Variants in AOPEP observed in about 807,000 individuals in gnomAD.
The protein encoded by AOPEP is aminopeptidase O.
In AOPEP, 77 loss-of-function variants were observed where a neutral mutation model predicts 98.1. That is an observed-to-expected ratio of 0.78 (90% CI 0.65 to 0.95). The LOEUF is 0.95. AOPEP is among the 40% of genes least tolerant of loss of function. The pLI is 0.00. For synonymous variants in AOPEP, 346 were observed against 365.3 expected (o/e 0.95, Z 0.60); for missense variants, 1,024 against 1,024.7 (o/e 1.00, Z 0.01).
chr9:95,149,104 C>T, the AOPEP span, among the ~76,000 whole-genome samples: 8 of 151,984 alleles, frequency 5.3e-5, no homozygotes, highest in African/African-American at 1.9e-4. Flanking sequence ...AAGAGCATTG[C>T]TTTTCATAAA....
chr9:94,925,238 C>T (rs1454726986), intron 6 of AOPEP, among the ~76,000 whole-genome samples: 3 of 152,254 alleles, frequency 2.0e-5, no homozygotes, highest in Non-Finnish European at 4.4e-5. Flanking sequence ...ATCCGCCCAC[C>T]TTGGCCTCCC....
chr9:94,899,497 C>T (rs2050105942), intron 5 of AOPEP, among the ~76,000 whole-genome samples: 2 of 151,522 alleles, frequency 1.3e-5, no homozygotes, highest in Non-Finnish European at 2.9e-5. Flanking sequence ...CACTTTTATT[C>T]CCAGCACTTT....
At chr9:94,873,595 T>G (rs2046586244) in intron 5 of AOPEP, among the ~76,000 whole-genome samples, 1 of 152,200 alleles carries the variant, frequency 6.6e-6, no homozygotes, top group Non-Finnish European at 1.5e-5. Context: ...ATTTCTCCCT[T>G]CCTTTGTATC....
chr9:94,875,841 G>C (rs989583203), intron 5 of AOPEP, among the ~76,000 whole-genome samples: 1 of 152,164 alleles, frequency 6.6e-6, no homozygotes, highest in African/African-American at 2.4e-5. Flanking sequence ...TCTGAGTATG[G>C]AATTCACAGA....
chr9:94,794,919 A>C (rs1195965421), intron 4 of AOPEP, among the ~76,000 whole-genome samples: 1 of 152,182 alleles, frequency 6.6e-6, no homozygotes, highest in African/African-American at 2.4e-5. Context: ...AGCAAGAAGC[A>C]CACTGTTTTG....
At chr9:94,855,517 T>C in intron 5 of AOPEP, among the ~76,000 whole-genome samples, 1 of 152,048 alleles carries the variant, frequency 6.6e-6, no homozygotes, top group East Asian at 2.0e-4. Flanking sequence ...GGAGAAACCC[T>C]GTCTCTACTG....
the AOPEP span, among the ~76,000 whole-genome samples, chr9:95,115,297 C>T: frequency 6.6e-6 from 1 of 152,154 alleles, no homozygotes; most frequent in Admixed American, 6.5e-5. Context: ...ATAAGCAGCC[C>T]CCGCTGAGAC....
chr9:95,078,597 A>G (rs1162047195), intron 14 of AOPEP, among the ~76,000 whole-genome samples: 1 of 152,354 alleles, frequency 6.6e-6, no homozygotes, highest in African/African-American at 2.4e-5. Flanking sequence ...CTCTTTCCCT[A>G]AGTCTCAGAG....
chr9:95,024,560 C>T (rs2063697890), intron 13 of AOPEP, among the ~76,000 whole-genome samples: 1 of 152,216 alleles, frequency 6.6e-6, no homozygotes, highest in African/African-American at 2.4e-5. Context: ...TACCGACTGC[C>T]CAAGAGCTGG....
chr9:94,969,599 G>A (rs1261813024), intron 10 of AOPEP, among the ~76,000 whole-genome samples: 1 of 151,984 alleles, frequency 6.6e-6, no homozygotes, highest in African/African-American at 2.4e-5. Flanking sequence ...AGTAGAGATG[G>A]GGTTTCACCG....
Position 94,759,744 on chromosome 9 carries a change from T to C in AOPEP, c.-40T>C, listed in dbSNP as rs1354829214. The C allele has an allele frequency of 6.6e-7, 1 of 1,508,918 alleles. No individual in the cohort carries two copies. Among genetic ancestry groups the C allele is most frequent in the East Asian group, 2.3e-5 (1 of 44,154 alleles). The allele number at this position is 1,508,918 out of a possible 1,614,324, so 93.5% of individuals were successfully genotyped here. A position where few individuals can be genotyped will look rare whatever the true frequency, so the allele number is the denominator to read the frequency against. On this transcript the variant is annotated 5_prime_UTR_variant, in exon 2 of 17. Coordinates refer to ENST00000375315, the MANE Select transcript of AOPEP (RefSeq NM_001193329.3). ...AGATTAAGGCAGATAGGAAACCCCATCTGAGATTTTAATAAATCCCTCAAA... is the reference window on the plus strand; with the variant it reads ...AGATTAAGGCAGATAGGAAACCCCACCTGAGATTTTAATAAATCCCTCAAA...
chr9:94,738,401 C>G (rs1320015860), intron 1 of AOPEP, among the ~76,000 whole-genome samples: 1 of 152,072 alleles, frequency 6.6e-6, no homozygotes, highest in Non-Finnish European at 1.5e-5. Context: ...CTGCCTTGTT[C>G]CTGGCCTCTG....
chr9:95,023,652 T>C (rs1287083829), intron 13 of AOPEP, among the ~76,000 whole-genome samples: 1 of 152,156 alleles, frequency 6.6e-6, no homozygotes, highest in Non-Finnish European at 1.5e-5. Flanking sequence ...ACTGAAGAAT[T>C]CCAGAAACCT....
At chr9:95,144,692 C>A in the AOPEP span, among the ~76,000 whole-genome samples, 1 of 152,174 alleles carries the variant, frequency 6.6e-6, no homozygotes, top group Admixed American at 6.5e-5. Flanking sequence ...AAGGGAGCTG[C>A]CACAGTGAAA....
chr9:94,751,788 G>T (rs1039200653), intron 1 of AOPEP, among the ~76,000 whole-genome samples: 3 of 149,898 alleles, frequency 2.0e-5, no homozygotes, highest in African/African-American at 7.4e-5. Flanking sequence ...GATCCAGGGG[G>T]TCCATGTGCA....
chr9:94,917,934 T>C (rs1479608004), intron 5 of AOPEP, among the ~76,000 whole-genome samples: 2 of 152,198 alleles, frequency 1.3e-5, no homozygotes. Flanking sequence ...CTCCTTTCTC[T>C]GCTTCTTTCC....
intron 13 of AOPEP, among the ~76,000 whole-genome samples, chr9:95,016,079 T>C (rs1369640073): frequency 6.6e-6 from 1 of 152,048 alleles, no homozygotes; most frequent in Non-Finnish European, 1.5e-5. Context: ...CCTCTGAACT[T>C]GGTTCAGTCT....
At chr9:94,921,728 T>G (rs2136763150) in intron 5 of AOPEP, among the ~76,000 whole-genome samples, 1 of 152,284 alleles carries the variant, frequency 6.6e-6, no homozygotes, top group East Asian at 1.9e-4. Context: ...AAACCCAACC[T>G]TAGAGGGCCA....
intron 1 of AOPEP, among the ~76,000 whole-genome samples, chr9:94,750,870 C>T (rs1214347143): frequency 6.6e-6 from 1 of 150,758 alleles, no homozygotes; most frequent in Admixed American, 6.6e-5. Flanking sequence ...GCCTCAGCCT[C>T]CTGAGTAGCT....
Sources: gnomAD v4.1 joint callset for allele counts (sites outside exome capture counted in the v4.1 genomes callset) on GRCh38, gnomAD v4.1.1 for gene constraint, MANE v1.5 for transcripts, NCBI Gene and HGNC (gene_info 2026-07-23, HGNC 2026-07-21) for gene names.